The following IL17RA variants were observed in gnomAD, a reference collection of about 807,000 sequenced individuals.
The protein encoded by IL17RA is interleukin 17 receptor A.
In IL17RA, 34 loss-of-function variants were observed where a neutral mutation model predicts 50.4. The ratio of observed to expected loss-of-function variants is 0.67; its 90% CI spans 0.51 to 0.90. IL17RA has a LOEUF of 0.90. IL17RA is among the 40% of genes least tolerant of loss of function. The pLI, the probability that IL17RA is intolerant of heterozygous loss-of-function variation, is 0.00. For missense variants in IL17RA, 1,276 were observed against 1,169.8 expected, an observed-to-expected ratio of 1.09 and a Z score of -1.32; for synonymous variants, 585 against 510.4, an observed-to-expected ratio of 1.15 and a Z score of -1.97.
At chr22:17,098,049 G>C (rs1447630071) in intron 3 of IL17RA, 106 bp downstream of exon 3, 1 of 1,380,616 alleles carries the variant, frequency 7.2e-7, no homozygotes, top group Admixed American at 1.8e-5. Context: ...AGACATGGGG[G>C]TTCAAATTTA....
chr22:17,094,718 T>TATATATATATATA (rs1228649948), intron 1 of IL17RA, among the ~76,000 whole-genome samples: 47 of 116,226 alleles, frequency 4.0e-4, no homozygotes, highest in African/African-American at 8.8e-4. Context: ...TATATATATA[T>TATATATATATATA]TCAGGGAGAT....
rs1462090713 is a variant in IL17RA, at chr22:17,102,029, C to T, written c.584C>T (p.Pro195Leu). 1.2e-6 allele frequency: 2 copies of T among 1,614,080 alleles called. No homozygotes were observed. Among genetic ancestry groups the T allele is most frequent in the Admixed American group, 3.3e-5 (2 of 60,002 alleles). Residue 195 changes from proline to leucine, a missense_variant, in exon 6 of 13, where the codon CCA becomes CTA. Coordinates refer to ENST00000319363, the MANE Select transcript of IL17RA (RefSeq NM_014339.7). ...CEHARMKVTT[P>L]CMSSGSLWDP... ...CACGCCAGGATGAAGGTAACCACGC[C>T]ATGCATGAGCTCAGGTAACAGCTGG...
At chr22:17,098,937 C>G in intron 4 of IL17RA, 50 bp downstream of exon 4, 1 of 1,442,128 alleles carries the variant, frequency 6.9e-7, no homozygotes, top group Non-Finnish European at 9.8e-7. Context: ...GACACCAGTA[C>G]AGACTTCTTG....
chr22:17,111,343 A>G lies in IL17RA; in HGVS notation c.*1523A>G, dbSNP rs1485726564. The G allele has an allele frequency of 6.6e-6, 1 of 152,232 alleles. No individual in the cohort carries two copies. The allele number at this position is 152,232 out of a possible 1,614,324, so 9.4% of individuals were successfully genotyped here. On this transcript the variant is annotated 3_prime_UTR_variant, in exon 13 of 13. Coordinates refer to ENST00000319363, the MANE Select transcript of IL17RA (RefSeq NM_014339.7). ...GAGCTGTTAGCACGTAGGATTCTTC[A>G]GAGCAGCTGGGCTGGAGCTCCCCTG...
rs780730784 is a variant in IL17RA at position 17,108,668 on chromosome 22, G to T, written c.1449G>T (p.Met483Ile). Reference sequence around the variant, plus strand: ...TGGGGGACCTGTTCACTGCAGCCATGAACATGATCCTCCCGGACTTCAAGA... The same window carrying T: ...TGGGGGACCTGTTCACTGCAGCCATTAACATGATCCTCCCGGACTTCAAGA... ...KPVGDLFTAA[M>I]NMILPDFKRP... is the part of the protein sequence containing the mutation. Residue 483 changes from methionine to isoleucine, a missense_variant, in exon 13 of 13, where the codon ATG (methionine) becomes ATT (isoleucine). By Grantham distance (10) the Met-to-Ile change is conservative. Coordinates refer to ENST00000319363, the MANE Select transcript of IL17RA (RefSeq NM_014339.7). The T allele has an allele frequency of 1.2e-6, 2 of 1,608,052 alleles. No homozygotes were observed. Among genetic ancestry groups the T allele is most frequent in the East Asian group, 4.5e-5 (2 of 44,874 alleles).
chr22:17,106,810 C>T (rs558658927), intron 11 of IL17RA, among the ~76,000 whole-genome samples: 34 of 152,312 alleles, frequency 2.2e-4, no homozygotes, highest in African/African-American at 7.9e-4. Context: ...AGTAGCATCT[C>T]GGCCAGTGCT....
intron 1 of IL17RA, 109 bp downstream of exon 1, chr22:17,085,338 GT>G: frequency 6.7e-7 from 1 of 1,500,916 alleles, no homozygotes; most frequent in Non-Finnish European, 8.9e-7. Flanking sequence ...GAGGCAGGAA[GT>G]CCGCGCCGCG....
chr22:17,087,532 T>C (rs1202201114), intron 1 of IL17RA, among the ~76,000 whole-genome samples: 1 of 152,238 alleles, frequency 6.6e-6, no homozygotes, highest in Non-Finnish European at 1.5e-5. Flanking sequence ...ATGTGTTGAC[T>C]GAACAAAAGA....
Position 17,103,498 on chromosome 22 carries a change from G to A in IL17RA, c.767G>A (p.Arg256Lys), listed in dbSNP as rs2123803735. ...FEHMHHIPAP[R>K]PEEFHQRSNV... Reference sequence around the variant, plus strand: ...CATCCTCGCCTCTCTCCTCAGCCCAGACCAGAAGAGTTCCACCAGCGATCC... The same window carrying A: ...CATCCTCGCCTCTCTCCTCAGCCCAAACCAGAAGAGTTCCACCAGCGATCC... Residue 256 changes from arginine to lysine, a missense_variant, in exon 8 of 13, where the codon AGA becomes AAA. Coordinates refer to ENST00000319363, the MANE Select transcript of IL17RA (RefSeq NM_014339.7). 1 of 1,613,404 alleles carries A rather than the reference G, an allele frequency of 6.2e-7. No homozygotes were observed. The highest frequency in any genetic ancestry group is 8.5e-7 in the Non-Finnish European group (1 of 1,179,796).
chr22:17,108,316 C>T lies in IL17RA; in HGVS notation c.1097C>T (p.Pro366Leu). Residue 366 changes from proline (P) to leucine (L), a missense_variant, in exon 13 of 13, where the codon CCT (proline) becomes CTT (leucine). Transcript: ENST00000319363. ...GGTCTTGTTTCCTTAGATGGCCTGC[C>T]TGCGGCTGACCTGATCCCCCCACCG... ...SDDTKYTDGL[P>L]AADLIPPPLK... is the part of the protein sequence containing the mutation. 6.2e-7 allele frequency: 1 copy of T among 1,614,112 alleles called. No individual in the cohort carries two copies. The highest frequency in any genetic ancestry group is 8.5e-7 in the Non-Finnish European group (1 of 1,180,018).
At chr22:17,100,077 A>G (rs1317018567) in intron 4 of IL17RA, among the ~76,000 whole-genome samples, 1 of 148,834 alleles carries the variant, frequency 6.7e-6, no homozygotes, top group Non-Finnish European at 1.5e-5. Flanking sequence ...GGGTGGGACT[A>G]CTTCCACTTT....
In IL17RA at chr22:17,108,670, A is replaced by T; in HGVS notation, c.1451A>T (p.Asn484Ile). ...GGGGACCTGTTCACTGCAGCCATGA[A>T]CATGATCCTCCCGGACTTCAAGAGG... ...PVGDLFTAAM[N>I]MILPDFKRPA... Residue 484 changes from asparagine (N) to isoleucine (I), a missense_variant, in exon 13 of 13, where the codon AAC (asparagine) becomes ATC (isoleucine). Transcript: ENST00000319363. 2 of 1,608,180 alleles carry T rather than the reference A, an allele frequency of 1.2e-6. No homozygotes were observed. Among genetic ancestry groups the T allele is most frequent in the Non-Finnish European group, 1.7e-6 (2 of 1,179,812 alleles).
Position 17,102,020 on chromosome 22 carries a change from T to C in IL17RA, c.575T>C (p.Val192Ala), listed in dbSNP as rs2061393253. 6.2e-7 allele frequency: 1 copy of C among 1,614,194 alleles called. No individual in the cohort carries two copies. Among genetic ancestry groups the C allele is most frequent in the Non-Finnish European group, 8.5e-7 (1 of 1,180,022 alleles). Residue 192 changes from valine (V) to alanine (A), a missense_variant, in exon 6 of 13, where the codon GTA (valine) becomes GCA (alanine). By Grantham distance (64) the Val-to-Ala change is moderately conservative. Transcript: ENST00000319363. ...GACTGTGAGCACGCCAGGATGAAGG[T>C]AACCACGCCATGCATGAGCTCAGGT... ...VPDCEHARMK[V>A]TTPCMSSGSL...
Position 17,109,060 on chromosome 22 carries a change from G to A in IL17RA, c.1841G>A (p.Gly614Glu). 1 of 1,587,960 alleles carries A rather than the reference G, an allele frequency of 6.3e-7. No homozygotes were observed. Among genetic ancestry groups the A allele is most frequent in the African/African-American group, 1.3e-5 (1 of 74,954 alleles). Residue 614 changes from glycine to glutamate, a missense_variant, in exon 13 of 13, where the codon GGA becomes GAA. Gly to Glu is a moderately conservative substitution (Grantham distance 98). Coordinates refer to ENST00000319363, the MANE Select transcript of IL17RA (RefSeq NM_014339.7). ...TTTGAGGAGCCACTGCTGCCTCCGG[G>A]AACCGGCATCGTGAAGCGGGCGCCC... ...EVFEEPLLPP[G>E]TGIVKRAPLV...
At chr22:17,100,291 G>A in intron 4 of IL17RA, 64 bp from the exon 5 acceptor site, 2 of 1,605,414 alleles carry the variant, frequency 1.2e-6, no homozygotes, top group Non-Finnish European at 1.7e-6. Context: ...GGGGGTCTTT[G>A]GGCATAGATG....
In IL17RA at chr22:17,113,599, T is replaced by C. The variant is rs2061454427; in HGVS notation, c.*3779T>C. 1 of 152,282 alleles carries C rather than the reference T, an allele frequency of 6.6e-6. No homozygotes were observed. The highest frequency in any genetic ancestry group is 1.5e-5 in the Non-Finnish European group (1 of 68,082). The allele number at this position is 152,282 out of a possible 1,614,324, so 9.4% of individuals were successfully genotyped here. A position where few individuals can be genotyped will look rare whatever the true frequency, so the allele number is the denominator to read the frequency against. ...ACTCTATAGCCTTTGGGCTCTGTGG[T>C]TGGTGCTCCCCTTCCTAAATAAATG... On this transcript the variant is annotated 3_prime_UTR_variant, in exon 13 of 13. Coordinates refer to ENST00000319363, the MANE Select transcript of IL17RA (RefSeq NM_014339.7).
intron 1 of IL17RA, among the ~76,000 whole-genome samples, chr22:17,094,691 C>CTCCCTCTCTCTCTCTCTCTCTCTCTA (rs1448096911): frequency 4.0e-5 from 1 of 24,722 alleles, no homozygotes; most frequent in African/African-American, 2.3e-4. Flanking sequence ...CTCTCTCTCT[C>CTCCCTCTCTCTCTCTCTCTCTCTCTA]TATATATATA....
chr22:17,097,819 G>T lies in IL17RA; in HGVS notation c.186G>T (p.Trp62Cys). The T allele has an allele frequency of 6.2e-7, 1 of 1,614,192 alleles. No homozygotes were observed. Among genetic ancestry groups the T allele is most frequent in the Non-Finnish European group, 8.5e-7 (1 of 1,180,042 alleles). ...CAGGTACCTGCCTGGATGACAGCTGGATTCACCCTCGAAACCTGACCCCCT... is the reference window on the plus strand; with the variant it reads ...CAGGTACCTGCCTGGATGACAGCTGTATTCACCCTCGAAACCTGACCCCCT... ...VKNSTCLDDS[W>C]IHPRNLTPSS... Residue 62 changes from tryptophan (W) to cysteine (C), a missense_variant, in exon 3 of 13, where the codon TGG becomes TGT. Transcript: ENST00000319363.
chr22:17,100,350 TTCA>T lies in IL17RA; in HGVS notation c.424-4_424-2del. ...ATCCACCTTCCCTTCCTCCCTTCTCTTCAGTGGCGTTTTACCTTCAGCCACTTT... is the reference window on the plus strand; with the variant it reads ...ATCCACCTTCCCTTCCTCCCTTCTCTGTGGCGTTTTACCTTCAGCCACTTT... On this transcript the variant is annotated splice_acceptor_variant and splice_polypyrimidine_tract_variant and intron_variant, in intron 4 of 12. Coordinates refer to ENST00000319363, the MANE Select transcript of IL17RA (RefSeq NM_014339.7). LOFTEE classifies it high-confidence loss of function. The T allele has an allele frequency of 1.2e-6, 2 of 1,614,116 alleles. No homozygotes were observed. The highest frequency in any genetic ancestry group is 1.7e-6 in the Non-Finnish European group (2 of 1,180,010).
Sources: gnomAD v4.1 joint callset for allele counts (sites outside exome capture counted in the v4.1 genomes callset) on GRCh38, gnomAD v4.1.1 for gene constraint, MANE v1.5 for transcripts, NCBI Gene and HGNC (gene_info 2026-07-23, HGNC 2026-07-21) for gene names.